FLT4: variants seen among roughly 807,000 people sequenced by gnomAD.
FLT4 encodes the protein vascular endothelial growth factor receptor 3.
A neutral mutation model predicts 163.2 loss-of-function variants in FLT4; 30 were observed. That is an observed-to-expected ratio of 0.18 (90% CI 0.14 to 0.25). The LOEUF (loss-of-function observed/expected upper bound fraction) is 0.25, where lower values mean the gene tolerates loss of function less well. FLT4 is among the 10% of genes least tolerant of loss of function. FLT4 has a pLI of 1.00. For synonymous variants in FLT4, 884 were observed against 789.5 expected, an observed-to-expected ratio of 1.12 and a Z score of -2.01; for missense variants, 1,510 against 1,863.8, an observed-to-expected ratio of 0.81 and a Z score of 3.50.
chr5:180,632,760 T>C (rs1481398866), intron 1 of FLT4, among the ~76,000 whole-genome samples: 1 of 152,148 alleles, frequency 6.6e-6, no homozygotes, highest in Admixed American at 6.5e-5. Flanking sequence ...TGTTTGTGTA[T>C]CTCGGACATG....
intron 18 of FLT4, 60 bp from the exon 19 acceptor site, chr5:180,619,426 C>CTGGCCGCTGAGCTAAGGCACAG: frequency 2.2e-6 from 3 of 1,390,156 alleles, no homozygotes; most frequent in African/African-American, 1.4e-5. Flanking sequence ...TTCCCCGCCA[C>CTGGCCGCTGAGCTAAGGCACAG]CCGGCGCTTT....
chr5:180,624,164 A>G, intron 10 of FLT4, 103 bp from the exon 11 acceptor site: 1 of 1,356,014 alleles, frequency 7.4e-7, no homozygotes, highest in Admixed American at 1.8e-5. Context: ...ACCTTCTCAT[A>G]TGGGGTCGTG....
rs1763011843 is a variant in FLT4, at chr5:180,620,137, G to A, written c.2542+36C>T. The A allele has an allele frequency of 1.3e-6, 2 of 1,592,618 alleles. No individual in the cohort carries two copies. Among genetic ancestry groups the A allele is most frequent in the African/African-American group, 2.7e-5 (2 of 74,630 alleles). On this transcript the variant is annotated intron_variant, in intron 17 of 29. Coordinates refer to ENST00000261937, the MANE Select transcript of FLT4 (RefSeq NM_182925.5). This position sits in a 1 kb window ranked among gnomAD's most constrained non-coding sequence, Gnocchi z 4.4. ...CGGCCTGCAGCAGGTGGGTCGGGCAGGAGGTGTGGGTTGGGCAGGCTGGTG... is the reference window on the plus strand; with the variant it reads ...CGGCCTGCAGCAGGTGGGTCGGGCAAGAGGTGTGGGTTGGGCAGGCTGGTG...
chr5:180,637,343 A>G (rs1261461081), intron 1 of FLT4, among the ~76,000 whole-genome samples: 2 of 151,528 alleles, frequency 1.3e-5, no homozygotes, highest in East Asian at 1.9e-4. Flanking sequence ...AAAAAAAAAA[A>G]AAAGAAAAGA....
At chr5:180,624,551 C>T (rs1391423670) in intron 10 of FLT4, among the ~76,000 whole-genome samples, 1 of 152,150 alleles carries the variant, frequency 6.6e-6, no homozygotes, top group Non-Finnish European at 1.5e-5. Context: ...CTGTCTCCCA[C>T]CCTTCAGGCT....
At chr5:180,642,633 G>T (rs368812112) in intron 1 of FLT4, among the ~76,000 whole-genome samples, 1 of 152,096 alleles carries the variant, frequency 6.6e-6, no homozygotes, top group Non-Finnish European at 1.5e-5. Flanking sequence ...AGCTCTCCTG[G>T]GCTCCAGTCC....
Position 180,603,400 on chromosome 5 carries a change from C to T in FLT4, c.3894-10G>A. On this transcript the variant is annotated splice_polypyrimidine_tract_variant and intron_variant, in intron 29 of 29. Coordinates refer to ENST00000261937, the MANE Select transcript of FLT4 (RefSeq NM_182925.5). ...GCCAGGTCCTTTACAGCTGCCAAGA[C>T]AGGGAAGGTGGTGTTAGTAAGAGAA... The T allele has an allele frequency of 6.2e-7, 1 of 1,613,204 alleles. No homozygotes were observed. The highest frequency in any genetic ancestry group is 1.1e-5 in the South Asian group (1 of 90,790).
rs899504606 is a variant in FLT4, at chr5:180,623,074, C to G, written c.1549-235G>C. Among the ~76,000 whole-genome samples the G allele has an allele frequency of 6.6e-6, 1 of 152,174 alleles. No individual in the cohort carries two copies. Among genetic ancestry groups the G allele is most frequent in the African/African-American group, 2.4e-5 (1 of 41,440 alleles). On this transcript the variant is annotated intron_variant, in intron 11 of 29. Coordinates refer to ENST00000261937, the MANE Select transcript of FLT4 (RefSeq NM_182925.5). This position sits in a 1 kb window ranked among gnomAD's most constrained non-coding sequence, Gnocchi z 5.8. ...GAAAAGTCAAGGGACAGTGTATGGA[C>G]TGCTGGCCTAGGCTGCAGTGACGTC...
intron 27 of FLT4, among the ~76,000 whole-genome samples, chr5:180,611,003 G>A (rs2127790324): frequency 6.6e-6 from 1 of 152,324 alleles, no homozygotes; most frequent in Non-Finnish European, 1.5e-5. Context: ...CTTGCGGTGA[G>A]CCGAGATCGC....
At chr5:180,610,580 G>A (rs1487913070) in intron 27 of FLT4, among the ~76,000 whole-genome samples, 3 of 152,228 alleles carry the variant, frequency 2.0e-5, no homozygotes, top group Non-Finnish European at 4.4e-5. Flanking sequence ...AGGGATAAGA[G>A]AGCCTGGGCA....
chr5:180,629,044 G>A lies in FLT4; in HGVS notation c.986-45C>T, dbSNP rs13359473. ...ACTGTAAATCCAGGACTGACCCGTC[G>A]TGGACTGACCAGGGACTCCCCCCAC... On this transcript the variant is annotated intron_variant, in intron 7 of 29. Coordinates refer to ENST00000261937, the MANE Select transcript of FLT4 (RefSeq NM_182925.5). The A allele has an allele frequency of 0.32, 496,631 of 1,543,294 alleles. 83,165 individuals are homozygous for A. The highest frequency in any genetic ancestry group is 0.38 in the South Asian group (33,911 of 89,666).
Position 180,608,950 on chromosome 5 carries a change from GGCTCACGAA to G in FLT4, c.3893+9_3893+17del. Reference sequence around the variant, plus strand: ...CAACATCGATACCTGCAGTGCAGGAGGCTCACGAAGCCCTTACCTGAAGCCGCTTTCTTG... The same window carrying G: ...CAACATCGATACCTGCAGTGCAGGAGGCCCTTACCTGAAGCCGCTTTCTTG... On this transcript the variant is annotated intron_variant, in intron 29 of 29. Coordinates refer to ENST00000261937, the MANE Select transcript of FLT4 (RefSeq NM_182925.5). The G allele has an allele frequency of 1.9e-6, 3 of 1,601,708 alleles. No homozygotes were observed. Among genetic ancestry groups the G allele is most frequent in the Non-Finnish European group, 2.6e-6 (3 of 1,168,622 alleles).
rs117625266 is a variant in FLT4 at position 180,606,360 on chromosome 5, C to T, written c.3893+2608G>A. Among the ~76,000 whole-genome samples, 626 of 152,316 alleles carry T rather than the reference C, an allele frequency of 4.1e-3. 19 individuals carry two copies. The East Asian group carries it at 0.065, about 16-fold the overall frequency. On this transcript the variant is annotated intron_variant, in intron 29 of 29. Coordinates refer to ENST00000261937, the MANE Select transcript of FLT4 (RefSeq NM_182925.5). Reference sequence around the variant, plus strand: ...TCGGGCTTGGCAAGGGAGCTCTCCTCGCAGCCCCATCTCCTCCGTCACCCC... The same window carrying T: ...TCGGGCTTGGCAAGGGAGCTCTCCTTGCAGCCCCATCTCCTCCGTCACCCC...
At chr5:180,613,994 A>T in intron 24 of FLT4, 74 bp downstream of exon 24, 1 of 1,042,746 alleles carries the variant, frequency 9.6e-7, no homozygotes, top group Non-Finnish European at 1.5e-6. Context: ...CCCTTACTCC[A>T]GCAGGGGCGG....
rs773728442 is a variant in FLT4, at chr5:180,620,331, A to G, written c.2407-23T>C. 1.2e-6 allele frequency: 2 copies of G among 1,607,988 alleles called. No homozygotes were observed. The highest frequency in any genetic ancestry group is 2.7e-5 in the African/African-American group (2 of 74,680). On this transcript the variant is annotated intron_variant, in intron 16 of 29. Transcript: ENST00000261937. This position sits in a 1 kb window ranked among gnomAD's most constrained non-coding sequence, Gnocchi z 4.4. ...CGGCTGCGGGGAGGGGACAGGGAGGAGTGGGGCAGCTCACTGATTTGGCCA... is the reference window on the plus strand; with the variant it reads ...CGGCTGCGGGGAGGGGACAGGGAGGGGTGGGGCAGCTCACTGATTTGGCCA...
At position 180,625,981 on chromosome 5, in the gene FLT4, G is replaced by C. The variant is rs199915118; in HGVS notation, c.1309C>G (p.Arg437Gly). The C allele has an allele frequency of 6.2e-7, 1 of 1,612,770 alleles. No homozygotes were observed. The highest frequency in any genetic ancestry group is 2.2e-5 in the East Asian group (1 of 44,880). ...KEASSPSIYS[R>G]HSRQALTCTA... ...CAGGTGAGGGCCTGGCGGCTGTGAC[G>C]CGAGTAGATGCTGGGGGAGGAGGCC... Residue 437 changes from arginine (R) to glycine (G), a missense_variant, in exon 10 of 30, where the codon CGT becomes GGT. Arg to Gly is a moderately radical substitution (Grantham distance 125). Around this residue, in one of 5 missense-constraint regions of FLT4, gnomAD observed 878 missense variants for 1,016.7 expected, o/e 0.86. Coordinates refer to ENST00000261937, the MANE Select transcript of FLT4 (RefSeq NM_182925.5).
chr5:180,609,850 G>A, intron 28 of FLT4, 55 bp downstream of exon 28: 1 of 1,608,930 alleles, frequency 6.2e-7, no homozygotes, highest in Non-Finnish European at 8.5e-7. Context: ...TGCCTCCCCT[G>A]AGGCGGCCCC....
chr5:180,621,707 G>A lies in FLT4; in HGVS notation c.1855C>T (p.Pro619Ser), dbSNP rs1339512182. Reference sequence around the variant, plus strand: ...ACCTCCTCCAGGCTGGCGGCCAGAGGGGTGGCGAACAGATGCACGTTCTTG... The same window carrying A: ...ACCTCCTCCAGGCTGGCGGCCAGAGAGGTGGCGAACAGATGCACGTTCTTG... ...DCKNVHLFAT[P>S]LAASLEEVAP... The change falls in exon 13 of 30, where the codon CCT (proline) becomes TCT (serine). Residue 619 changes from proline (P) to serine (S), a missense_variant. By Grantham distance (74) the Pro-to-Ser change is moderately conservative. Coordinates refer to ENST00000261937, the MANE Select transcript of FLT4 (RefSeq NM_182925.5). 1.2e-6 allele frequency: 2 copies of A among 1,612,826 alleles called. No individual in the cohort carries two copies. The highest frequency in any genetic ancestry group is 1.7e-6 in the Non-Finnish European group (2 of 1,179,904).
Position 180,616,925 on chromosome 5 carries a change from C to T in FLT4, c.3071G>A (p.Gly1024Glu). Residue 1024 changes from glycine (G) to glutamate (E), a missense_variant, in exon 22 of 30, where the codon GGG (glycine) becomes GAG (glutamate). By Grantham distance (98) the Gly-to-Glu change is moderately conservative. This residue lies in a region of FLT4 where 878 missense variants were observed against 1,016.7 expected (regional missense o/e 0.86). Coordinates refer to ENST00000261937, the MANE Select transcript of FLT4 (RefSeq NM_182925.5). ...CTTTCGGGAAGCCAGGAACTCCATC[C>T]CTCTGGCCACCTGGAAGCTGTAGCA... ...LVCYSFQVAR[G>E]MEFLASRKCI... 6.2e-7 allele frequency: 1 copy of T among 1,613,404 alleles called. No homozygotes were observed. Among genetic ancestry groups the T allele is most frequent in the Non-Finnish European group, 8.5e-7 (1 of 1,179,894 alleles).
Sources: allele counts gnomAD v4.1 joint callset (sites outside exome capture counted in the v4.1 genomes callset), GRCh38; gene constraint gnomAD v4.1.1; regional missense constraint gnomAD v4.1.1; non-coding constraint Gnocchi (gnomAD v3.1); transcripts MANE v1.5; gene names NCBI Gene and HGNC (gene_info 2026-07-23, HGNC 2026-07-21).